PDE10A: variants seen among roughly 807,000 people sequenced by gnomAD.
PDE10A encodes cAMP and cAMP-inhibited cGMP 3',5'-cyclic phosphodiesterase 10A.
Under a neutral mutation model 97.7 loss-of-function variants are expected in PDE10A, and 39 were observed. The observed-to-expected ratio is 0.40, with a 90% CI of 0.31 to 0.52. The LOEUF (loss-of-function observed/expected upper bound fraction) is 0.52. PDE10A is among the 20% of genes least tolerant of loss of function. The pLI is 0.56. For missense variants in PDE10A, 731 were observed against 1,047.8 expected (o/e 0.70, Z 4.17); for synonymous variants, 371 against 376.8 (o/e 0.98, Z 0.18).
intron 1 of PDE10A, among the ~76,000 whole-genome samples, chr6:165,924,799 A>G (rs781576941): frequency 2.0e-5 from 3 of 152,380 alleles, no homozygotes; most frequent in Non-Finnish European, 4.4e-5. Flanking sequence ...TAAAACATAA[A>G]AGTTATTAGA....
rs1011032406 is a variant in PDE10A at position 165,765,825 on chromosome 6, A to G, written c.-615+221704T>C. On this transcript the variant is annotated intron_variant, in intron 1 of 19. Coordinates refer to the PDE10A transcript ENST00000366882. The stretch of plus-strand genomic sequence containing the variant: ...CCCAGAGTGAGCGAGGGCTCTGAGG[A>G]CTGCCAGCCCGCTGTCACCTCTCAT... Among the ~76,000 whole-genome samples the G allele has an allele frequency of 1.6e-4, 25 of 152,356 alleles. No individual in the cohort carries two copies. The South Asian group carries it at 3.9e-3, about 24-fold the overall frequency.
intron 2 of PDE10A, among the ~76,000 whole-genome samples, chr6:165,502,410 T>G (rs1168793042): frequency 6.6e-6 from 1 of 152,196 alleles, no homozygotes; most frequent in Non-Finnish European, 1.5e-5. Context: ...TACAACTCAA[T>G]ACTAAGAGGA....
At chr6:165,775,839 T>C (rs1041147711) in intron 1 of PDE10A, 16 of 152,252 alleles carry the variant, frequency 1.1e-4, no homozygotes, top group African/African-American at 3.6e-4. Context: ...TTAATTGATA[T>C]TAAACTTGGA....
intron 1 of PDE10A, among the ~76,000 whole-genome samples, chr6:165,963,292 A>C (rs986146577): frequency 6.6e-6 from 1 of 152,206 alleles, no homozygotes; most frequent in Non-Finnish European, 1.5e-5. Flanking sequence ...CTTATTTACT[A>C]ATGACTTACA....
At chr6:165,836,809 C>A (rs1428937769) in intron 1 of PDE10A, among the ~76,000 whole-genome samples, 1 of 151,992 alleles carries the variant, frequency 6.6e-6, no homozygotes, top group Non-Finnish European at 1.5e-5. Context: ...AAATGTCCAA[C>A]AATGATAGAC....
chr6:165,827,229 GGGAA>G (rs369412899), intron 1 of PDE10A, among the ~76,000 whole-genome samples: 140 of 152,338 alleles, frequency 9.2e-4, no homozygotes, highest in Middle Eastern at 3.4e-3. Context: ...GCAAAACACA[GGGAA>G]GGGTCTAAGC....
intron 1 of PDE10A, among the ~76,000 whole-genome samples, chr6:165,982,076 A>C (rs1785037069): frequency 6.6e-6 from 1 of 152,196 alleles, no homozygotes; most frequent in South Asian, 2.1e-4. Flanking sequence ...AAGCTACAAA[A>C]TCTTGGTGTT....
chr6:165,614,249 G>A (rs1388037035), intron 1 of PDE10A, among the ~76,000 whole-genome samples: 1 of 152,132 alleles, frequency 6.6e-6, no homozygotes, highest in Non-Finnish European at 1.5e-5. Context: ...CAAATTTAAT[G>A]TTATTCCCCA....
At chr6:165,602,477 G>A (rs1035759605) in intron 1 of PDE10A, among the ~76,000 whole-genome samples, 8 of 152,084 alleles carry the variant, frequency 5.3e-5, no homozygotes, top group South Asian at 2.1e-4. Context: ...GAAACTGAGC[G>A]GGAACAACAT....
At chr6:165,428,734 G>C in intron 9 of PDE10A, 25 bp from the exon 10 acceptor site, 1 of 952,828 alleles carries the variant, frequency 1.0e-6, no homozygotes, top group Non-Finnish European at 1.7e-6. Flanking sequence ...CATAAATCCT[G>C]TAAGTAATTT....
chr6:165,356,495 T>C (rs1024122721), intron 18 of PDE10A, among the ~76,000 whole-genome samples: 5 of 152,186 alleles, frequency 3.3e-5, no homozygotes, highest in African/African-American at 9.6e-5. Context: ...ATGTGGCTTG[T>C]CTTTTCATTT....
At chr6:165,359,106 C>G (rs1783220553) in intron 18 of PDE10A, among the ~76,000 whole-genome samples, 1 of 151,712 alleles carries the variant, frequency 6.6e-6, no homozygotes, top group African/African-American at 2.4e-5. Context: ...CCTATCTTAC[C>G]CTAGTATTAT....
intron 3 of PDE10A, among the ~76,000 whole-genome samples, chr6:165,479,311 C>A (rs1045780998): frequency 1.3e-5 from 2 of 152,134 alleles, no homozygotes; most frequent in Non-Finnish European, 2.9e-5. Flanking sequence ...ACTCTCAATT[C>A]GACAGCTAGA....
rs144753532 is a variant in PDE10A at position 165,461,724 on chromosome 6, C to T, written c.1024-11362G>A. Among the ~76,000 whole-genome samples the T allele has an allele frequency of 9.9e-3, 1,501 of 152,300 alleles. 27 individuals are homozygous for T. The highest frequency in any genetic ancestry group is 0.034 in the African/African-American group (1,394 of 41,556). ...CTTTGACTGAAGGGAATCAAATGGC[C>T]GATCACCTAGTTGCTAATGCAATAT... On this transcript the variant is annotated intron_variant, in intron 3 of 21. Transcript: ENST00000539869.
At chr6:165,443,927 G>GCATATT (rs1185404848) in intron 5 of PDE10A, among the ~76,000 whole-genome samples, 1 of 152,168 alleles carries the variant, frequency 6.6e-6, no homozygotes, top group Admixed American at 6.5e-5. Flanking sequence ...CTATTGTCTT[G>GCATATT]GTGATTAATA....
At chr6:165,753,870 C>T (rs1282792890) in intron 1 of PDE10A, among the ~76,000 whole-genome samples, 6 of 152,190 alleles carry the variant, frequency 3.9e-5, no homozygotes. Context: ...TCTTCTACAA[C>T]CATTTACTTC....
chr6:165,910,897 A>G (rs1782436085), intron 1 of PDE10A: 1 of 152,210 alleles, frequency 6.6e-6, no homozygotes, highest in African/African-American at 2.4e-5. Flanking sequence ...ATGCACCGTC[A>G]GAGATACGAT....
At chr6:165,635,590 T>C (rs1422717816) in intron 1 of PDE10A, among the ~76,000 whole-genome samples, 2 of 152,224 alleles carry the variant, frequency 1.3e-5, no homozygotes, top group Non-Finnish European at 2.9e-5. Context: ...TTTTAACTTA[T>C]TCCAAAGAGA....
intron 2 of PDE10A, among the ~76,000 whole-genome samples, chr6:165,542,662 A>T (rs1281096435): frequency 1.8e-5 from 2 of 113,848 alleles, no homozygotes; most frequent in African/African-American, 6.9e-5. Context: ...TCTGTTGCCC[A>T]GGCTGGAGTG....
Sources: gnomAD v4.1 joint callset for allele counts (sites outside exome capture counted in the v4.1 genomes callset) on GRCh38, gnomAD v4.1.1 for gene constraint, MANE v1.5 for transcripts, NCBI Gene and HGNC (gene_info 2026-07-23, HGNC 2026-07-21) for gene names.